The following CFAP54 variants were observed in gnomAD, a reference collection of about 807,000 sequenced individuals.
CFAP54 encodes cilia- and flagella-associated protein 54.
CFAP54 carries 290 observed loss-of-function variants against 370.4 expected under a neutral mutation model. The ratio of observed to expected loss-of-function variants is 0.78; its 90% CI spans 0.71 to 0.86. The LOEUF is 0.86. CFAP54 is among the 40% of genes least tolerant of loss of function. CFAP54 has a pLI of 0.00. For synonymous variants in CFAP54, 1,206 were observed against 1,236.5 expected, an observed-to-expected ratio of 0.98 and a Z score of 0.52; for missense variants, 3,399 against 3,528.7, an observed-to-expected ratio of 0.96 and a Z score of 0.93.
intron 66 of CFAP54, among the ~76,000 whole-genome samples, chr12:96,838,237 G>A (rs2136770856): frequency 6.6e-6 from 1 of 152,106 alleles, no homozygotes; most frequent in East Asian, 1.9e-4. Context: ...TTGCTCAGGG[G>A]GATGAAGAGA....
At chr12:96,597,087 A>G (rs898736399) in intron 25 of CFAP54, among the ~76,000 whole-genome samples, 1 of 152,124 alleles carries the variant, frequency 6.6e-6, no homozygotes, top group Admixed American at 6.6e-5. Context: ...AGTAATTTTA[A>G]TTTAAATTAA....
At position 96,740,210 on chromosome 12, in the gene CFAP54, G is replaced by A. The variant is rs190286123; in HGVS notation, c.7071+149G>A. 404 of 560,962 alleles carry A rather than the reference G, an allele frequency of 7.2e-4. 1 individual carries two copies. The African/African-American group carries it at 7.3e-3, about 10-fold the overall frequency. The allele number at this position is 560,962 out of a possible 1,614,324, so 34.7% of individuals were successfully genotyped here. ...GTAAAAAGATTTAGGTCCTATTAATGCTATTTATTTATTGGTATACCTTGG... is the reference window on the plus strand; with the variant it reads ...GTAAAAAGATTTAGGTCCTATTAATACTATTTATTTATTGGTATACCTTGG... On this transcript the variant is annotated intron_variant, in intron 51 of 67. Coordinates refer to ENST00000524981, the MANE Select transcript of CFAP54 (RefSeq NM_001306084.2).
intron 47 of CFAP54, among the ~76,000 whole-genome samples, chr12:96,707,897 C>G (rs1007073759): frequency 4.0e-5 from 6 of 151,768 alleles, no homozygotes; most frequent in African/African-American, 1.5e-4. Context: ...GAGAGAAGGG[C>G]GCAAAATGGT....
chr12:96,519,978 C>CA (rs1955284965), intron 6 of CFAP54, among the ~76,000 whole-genome samples: 1 of 152,098 alleles, frequency 6.6e-6, no homozygotes, highest in African/African-American at 2.4e-5. Context: ...ACACTCTTGT[C>CA]TTGCTTTTCT....
intron 40 of CFAP54, among the ~76,000 whole-genome samples, chr12:96,680,689 T>C (rs907220945): frequency 1.3e-5 from 2 of 151,688 alleles, no homozygotes; most frequent in African/African-American, 4.8e-5. Context: ...TTCTATGATA[T>C]GTATCCATAG....
At chr12:96,642,810 C>G (rs1205617330) in intron 32 of CFAP54, among the ~76,000 whole-genome samples, 1 of 152,166 alleles carries the variant, frequency 6.6e-6, no homozygotes. Flanking sequence ...TGTCCTGAGA[C>G]TTGTTGCTCA....
intron 50 of CFAP54, among the ~76,000 whole-genome samples, chr12:96,726,942 T>C (rs1009234328): frequency 6.6e-6 from 1 of 152,234 alleles, no homozygotes. Context: ...TACCCAGTAG[T>C]CATTCAGGAG....
chr12:96,639,830 A>T (rs2136486217), intron 32 of CFAP54, among the ~76,000 whole-genome samples: 1 of 152,380 alleles, frequency 6.6e-6, no homozygotes, highest in Admixed American at 6.5e-5. Flanking sequence ...GACAAAAACC[A>T]CATGATTATC....
intron 17 of CFAP54, 87 bp downstream of exon 17, chr12:96,554,889 C>T: frequency 8.0e-7 from 1 of 1,242,258 alleles, no homozygotes; most frequent in Non-Finnish European, 1.0e-6. Flanking sequence ...AAACTGTGTT[C>T]TTGTTGACTT....
chr12:96,807,953 C>T (rs1337671384), intron 63 of CFAP54, among the ~76,000 whole-genome samples: 1 of 152,150 alleles, frequency 6.6e-6, no homozygotes, highest in Non-Finnish European at 1.5e-5. Flanking sequence ...AAGCCAGAGG[C>T]ATGAATGTTG....
chr12:96,569,440 T>C (rs141676406), intron 19 of CFAP54, among the ~76,000 whole-genome samples: 250 of 152,320 alleles, frequency 1.6e-3, no homozygotes, highest in Non-Finnish European at 2.8e-3. Flanking sequence ...GTTTGTCTTC[T>C]CTAAGGAAAT....
chr12:96,533,358 GCTCTT>G (rs552635228), intron 9 of CFAP54, among the ~76,000 whole-genome samples: 147 of 152,130 alleles, frequency 9.7e-4, no homozygotes, highest in African/African-American at 3.4e-3. Flanking sequence ...TATTCCCTCT[GCTCTT>G]CTCTTAAATG....
intron 25 of CFAP54, among the ~76,000 whole-genome samples, chr12:96,594,865 A>G (rs1297843145): frequency 6.6e-6 from 1 of 152,150 alleles, no homozygotes; most frequent in Non-Finnish European, 1.5e-5. Flanking sequence ...GATTTACAGA[A>G]AAAGGGTAGC....
intron 20 of CFAP54, among the ~76,000 whole-genome samples, chr12:96,577,661 G>C (rs1014090186): frequency 1.3e-5 from 2 of 151,760 alleles, no homozygotes; most frequent in African/African-American, 4.8e-5. Flanking sequence ...CATTTGGAAA[G>C]TGTGTTTATT....
At chr12:96,690,051 C>T (rs947435406) in intron 43 of CFAP54, among the ~76,000 whole-genome samples, 1 of 152,214 alleles carries the variant, frequency 6.6e-6, no homozygotes, top group Non-Finnish European at 1.5e-5. Context: ...TCTTACGTCG[C>T]ATTCTTTACT....
At chr12:96,684,845 T>C (rs1244050633) in intron 41 of CFAP54, 110 bp downstream of exon 41, 2 of 1,013,288 alleles carry the variant, frequency 2.0e-6, no homozygotes, top group Non-Finnish European at 2.9e-6. Context: ...TCTTCAACAA[T>C]ACTACATTGC....
chr12:96,813,531 A>G (rs556195296), intron 64 of CFAP54, among the ~76,000 whole-genome samples: 5 of 152,228 alleles, frequency 3.3e-5, no homozygotes, highest in Non-Finnish European at 7.3e-5. Flanking sequence ...TTAAGTTCTC[A>G]TAAGAAAAAG....
At chr12:96,838,426 A>C (rs1056763572) in intron 66 of CFAP54, among the ~76,000 whole-genome samples, 1 of 152,160 alleles carries the variant, frequency 6.6e-6, no homozygotes, top group Admixed American at 6.5e-5. Context: ...ACTGCCCGAG[A>C]CTGGGTAATT....
chr12:96,853,993 G>A (rs373800171), intron 66 of CFAP54, among the ~76,000 whole-genome samples: 1 of 151,724 alleles, frequency 6.6e-6, no homozygotes, highest in South Asian at 2.1e-4. Flanking sequence ...TAAAATTAAC[G>A]TAGCCACTTT....
Sources: gnomAD v4.1 joint callset for allele counts (sites outside exome capture counted in the v4.1 genomes callset) on GRCh38, gnomAD v4.1.1 for gene constraint, MANE v1.5 for transcripts, NCBI Gene and HGNC (gene_info 2026-07-23, HGNC 2026-07-21) for gene names.